VDAC1: variants seen among roughly 807,000 people sequenced by gnomAD.
VDAC1 encodes the protein voltage dependent anion channel 1.
A neutral mutation model predicts 34.7 loss-of-function variants in VDAC1; 10 were observed. The ratio of observed to expected loss-of-function variants is 0.29; its 90% CI spans 0.18 to 0.49. The LOEUF (loss-of-function observed/expected upper bound fraction) is 0.49, where lower values mean the gene tolerates loss of function less well. Ranked by LOEUF, VDAC1 falls within the 20% of genes least tolerant of loss-of-function variation. VDAC1 has a pLI of 0.99. For missense variants in VDAC1, 230 were observed against 347.9 expected, an observed-to-expected ratio of 0.66 and a Z score of 2.69; for synonymous variants, 130 against 136.0, an observed-to-expected ratio of 0.96 and a Z score of 0.30.
chr5:133,974,786 A>G (rs1752411905), intron 7 of VDAC1, among the ~76,000 whole-genome samples: 1 of 152,090 alleles, frequency 6.6e-6, no homozygotes, highest in South Asian at 2.1e-4. Flanking sequence ...AACCCCGTCT[A>G]TACTAAAAAC....
At chr5:134,044,115 A>G in the VDAC1 span, among the ~76,000 whole-genome samples, 1 of 152,138 alleles carries the variant, frequency 6.6e-6, no homozygotes, top group African/African-American at 2.4e-5. Flanking sequence ...CCTGCCTCCC[A>G]TCCCCATCCC....
chr5:134,079,963 T>G, the VDAC1 span, among the ~76,000 whole-genome samples: 1 of 152,266 alleles, frequency 6.6e-6, no homozygotes, highest in South Asian at 2.1e-4. Flanking sequence ...ATGCTGAATC[T>G]TGTCTTGCCC....
the VDAC1 span, among the ~76,000 whole-genome samples, chr5:134,076,503 G>A: frequency 6.6e-6 from 1 of 152,158 alleles, no homozygotes; most frequent in Non-Finnish European, 1.5e-5. Flanking sequence ...TCCTGTACTG[G>A]CAAGGCTAAG....
chr5:134,100,272 G>A, the VDAC1 span, among the ~76,000 whole-genome samples: 9 of 152,304 alleles, frequency 5.9e-5, no homozygotes, highest in East Asian at 1.7e-3. Context: ...TATTTTTAGG[G>A]CAGAGGAGGC....
chr5:134,005,381 G>A (rs1292937045), upstream of VDAC1: 1 of 152,246 alleles, frequency 6.6e-6, no homozygotes, highest in East Asian at 1.9e-4. Context: ...TCCGCGCTCC[G>A]GATACAATGT....
At chr5:134,095,460 G>C in the VDAC1 span, among the ~76,000 whole-genome samples, 1 of 151,430 alleles carries the variant, frequency 6.6e-6, no homozygotes, top group African/African-American at 2.4e-5. Flanking sequence ...CCCAGCCTAG[G>C]CAGCAGAGTG....
chr5:134,113,096 C>T, the VDAC1 span, among the ~76,000 whole-genome samples: 1 of 152,214 alleles, frequency 6.6e-6, no homozygotes, highest in Non-Finnish European at 1.5e-5. Flanking sequence ...CCCTGTACCT[C>T]TCCCCTCCGG....
the VDAC1 span, among the ~76,000 whole-genome samples, chr5:134,057,499 C>CTATATCTATATCTATATG: frequency 1.9e-5 from 1 of 52,412 alleles, no homozygotes; most frequent in East Asian, 4.0e-4. Flanking sequence ...AAATTTATAT[C>CTATATCTATATCTATATG]TATATCTATA....
the VDAC1 span, among the ~76,000 whole-genome samples, chr5:134,020,652 TTTTGTTTGTTTG>T: frequency 0.33 from 49,847 of 150,040 alleles, 8,659 homozygotes; most frequent in Admixed American, 0.38. Context: ...CAGGCTTCTT[TTTTGTTTGTTTG>T]TTTGTTTGTT....
intron 1 of VDAC1, chr5:134,004,340 C>T (rs1359337142): frequency 3.3e-5 from 5 of 151,984 alleles, no homozygotes; most frequent in Admixed American, 3.3e-4. Context: ...CGCCGGGCCT[C>T]CACGCGGCCG....
chr5:134,045,967 G>A, the VDAC1 span, among the ~76,000 whole-genome samples: 1 of 150,708 alleles, frequency 6.6e-6, no homozygotes, highest in Non-Finnish European at 1.5e-5. Context: ...TTACAGGCAT[G>A]AGCCACTGAC....
chr5:133,999,195 G>A (rs1009629355), intron 1 of VDAC1, among the ~76,000 whole-genome samples: 4 of 152,116 alleles, frequency 2.6e-5, no homozygotes, highest in Non-Finnish European at 4.4e-5. Context: ...AAGGATTCAG[G>A]CAGATGAGCT....
chr5:134,045,857 A>G, the VDAC1 span, among the ~76,000 whole-genome samples: 306 of 148,984 alleles, frequency 2.1e-3, no homozygotes, highest in African/African-American at 7.3e-3. Flanking sequence ...GCTAATTTTC[A>G]TATTTTTAGT....
chr5:134,006,749 A>C (rs58032551), upstream of VDAC1, among the ~76,000 whole-genome samples: 18,540 of 51,800 alleles, frequency 0.36, 2,111 homozygotes, highest in Admixed American at 0.39. Context: ...CCCCCCCCCC[A>C]AAAAAAAAAA....
At chr5:133,997,430 G>A (rs1000096592) in intron 1 of VDAC1, among the ~76,000 whole-genome samples, 44 of 152,030 alleles carry the variant, frequency 2.9e-4, no homozygotes, top group Non-Finnish European at 2.8e-4. Flanking sequence ...AAGGTGGGTG[G>A]CTCATGCCTG....
the VDAC1 span, among the ~76,000 whole-genome samples, chr5:134,039,599 G>T: frequency 6.6e-6 from 1 of 152,198 alleles, no homozygotes; most frequent in Admixed American, 6.5e-5. Flanking sequence ...AAAGTGCTGG[G>T]ATTACAGGCG....
At chr5:134,064,330 G>C in the VDAC1 span, among the ~76,000 whole-genome samples, 1 of 151,768 alleles carries the variant, frequency 6.6e-6, no homozygotes, top group Non-Finnish European at 1.5e-5. Flanking sequence ...GAGAGAGAGA[G>C]AGTCTTATTC....
intron 6 of VDAC1, among the ~76,000 whole-genome samples, chr5:133,979,147 A>G (rs74806127): frequency 6.6e-6 from 1 of 152,204 alleles, no homozygotes; most frequent in East Asian, 1.9e-4. Flanking sequence ...AGCTGCCTTC[A>G]CGCTGGTTCC....
the VDAC1 span, among the ~76,000 whole-genome samples, chr5:134,071,257 C>T: frequency 2.0e-5 from 3 of 152,346 alleles, no homozygotes; most frequent in Non-Finnish European, 4.4e-5. The surrounding 1 kb of genome is among the most constrained non-coding windows in gnomAD (Gnocchi z 4.1). Flanking sequence ...AAGGTGCGGA[C>T]GCAGCGGGGG....
Sources: allele counts gnomAD v4.1 joint callset (sites outside exome capture counted in the v4.1 genomes callset), GRCh38; gene constraint gnomAD v4.1.1; non-coding constraint Gnocchi (gnomAD v3.1); transcripts MANE v1.5; gene names NCBI Gene and HGNC (gene_info 2026-07-23, HGNC 2026-07-21).